The following PCDH11X variants were observed in gnomAD, a reference collection of about 807,000 sequenced individuals.
PCDH11X encodes protocadherin 11 X-linked.
Under a neutral mutation model 53.3 loss-of-function variants are expected in PCDH11X, and 18 were observed. The ratio of observed to expected loss-of-function variants is 0.34; its 90% confidence interval spans 0.23 to 0.50. The LOEUF is 0.50. Among genes scored for constraint, PCDH11X ranks in the 20% least tolerant of loss-of-function variants. The pLI is 0.98. For missense variants in PCDH11X, 570 were observed against 1,032.4 expected (o/e 0.55, Z 6.14); for synonymous variants, 279 against 393.3 (o/e 0.71, Z 3.44).
At chrX:91,871,225 T>C (rs772051826) in intron 5 of PCDH11X, among the ~76,000 whole-genome samples, 5 of 110,896 alleles carry the variant, frequency 4.5e-5, no homozygotes, top group Admixed American at 9.6e-5. Context: ...ATTTCCTTAA[T>C]GTTTTCTAAA....
In PCDH11X at chrX:92,618,811, C is replaced by T. The variant is rs745574714; in HGVS notation, c.3915C>T (p.Tyr1305=). 34 of 1,210,381 alleles carry T rather than the reference C, an allele frequency of 2.8e-5. No individual in the cohort carries two copies. The highest frequency in any genetic ancestry group is 3.4e-6 in the Non-Finnish European group (3 of 895,251). The change falls in exon 11 of 11, where the codon TAC becomes TAT. Residue 1305 remains tyrosine, a synonymous_variant. Transcript: ENST00000682573. Reference sequence around the variant, plus strand: ...AAGGTAGTGCAACATCTCAGTTTTACACCATGTCTGAAAGACTTCATCCCA... The same window carrying T: ...AAGGTAGTGCAACATCTCAGTTTTATACCATGTCTGAAAGACTTCATCCCA... ...GVQGSATSQF[Y]TMSERLHPSD...
At chrX:91,973,452 T>TA (rs764254248) in intron 6 of PCDH11X, among the ~76,000 whole-genome samples, 169 of 88,553 alleles carry the variant, frequency 1.9e-3, no homozygotes, top group African/African-American at 5.2e-3. Context: ...AAAAAAAAAT[T>TA]AAAAAAAAAA....
At chrX:92,446,346 G>T (rs1237027893) in intron 9 of PCDH11X, among the ~76,000 whole-genome samples, 1 of 110,717 alleles carries the variant, frequency 9.0e-6, no homozygotes, top group East Asian at 2.9e-4. Flanking sequence ...CAATGATATG[G>T]TTTCACTGTG....
chrX:92,140,573 A>G (rs915168115), intron 6 of PCDH11X, among the ~76,000 whole-genome samples: 3 of 111,927 alleles, frequency 2.7e-5, no homozygotes, highest in African/African-American at 9.7e-5. Context: ...TTTGAAGTAA[A>G]GGCCCTTTTA....
chrX:92,585,577 A>G (rs1485216654), intron 10 of PCDH11X, among the ~76,000 whole-genome samples: 3 of 108,548 alleles, frequency 2.8e-5, no homozygotes, highest in Admixed American at 2.0e-4. Context: ...TCACTGTGTT[A>G]GCCAGGATGG....
At chrX:92,006,915 CA>C (rs1462424374) in intron 6 of PCDH11X, among the ~76,000 whole-genome samples, 2 of 111,569 alleles carry the variant, frequency 1.8e-5, no homozygotes, top group East Asian at 5.7e-4. Context: ...GATTATCAGG[CA>C]GAGACTCTTG....
chrX:92,278,109 T>C (rs1344389347), intron 8 of PCDH11X, among the ~76,000 whole-genome samples: 2 of 111,122 alleles, frequency 1.8e-5, no homozygotes, highest in Non-Finnish European at 3.8e-5. Flanking sequence ...ATGAAAGGAA[T>C]TGAAATTAAG....
At chrX:91,932,402 T>G (rs2061396834) in intron 6 of PCDH11X, among the ~76,000 whole-genome samples, 1 of 98,673 alleles carries the variant, frequency 1.0e-5, no homozygotes, top group Non-Finnish European at 2.0e-5. Flanking sequence ...GGGGGAGAAG[T>G]TTGGAAGAAA....
At chrX:92,188,737 C>T (rs1332475624) in intron 6 of PCDH11X, among the ~76,000 whole-genome samples, 1 of 111,803 alleles carries the variant, frequency 8.9e-6, no homozygotes, top group East Asian at 2.8e-4. Flanking sequence ...CAAATCTCTA[C>T]TCTTTCAGAC....
intron 6 of PCDH11X, among the ~76,000 whole-genome samples, chrX:92,099,198 TTAA>T (rs1477969373): frequency 9.1e-6 from 1 of 109,294 alleles, no homozygotes; most frequent in African/African-American, 3.4e-5. Context: ...CTTTTTGTTG[TTAA>T]TAATTTCATG....
At chrX:92,263,784 T>C (rs1271880112) in intron 8 of PCDH11X, among the ~76,000 whole-genome samples, 1 of 112,512 alleles carries the variant, frequency 8.9e-6, no homozygotes, top group African/African-American at 3.2e-5. Flanking sequence ...GTGTTTCTAT[T>C]GTTAAACAAA....
chrX:91,987,529 A>G (rs1157455558), intron 6 of PCDH11X, among the ~76,000 whole-genome samples: 1 of 111,439 alleles, frequency 9.0e-6, no homozygotes, highest in Non-Finnish European at 1.9e-5. Flanking sequence ...AAAGCTTTAT[A>G]ATTTCTCAGG....
chrX:92,278,255 C>T (rs543516806), intron 8 of PCDH11X, among the ~76,000 whole-genome samples: 485 of 111,380 alleles, frequency 4.4e-3, no homozygotes, highest in Non-Finnish European at 8.0e-3. Flanking sequence ...TTGGGCTGGT[C>T]GATCTGAGGA....
At chrX:92,104,452 C>A (rs984224827) in intron 6 of PCDH11X, among the ~76,000 whole-genome samples, 5 of 110,815 alleles carry the variant, frequency 4.5e-5, no homozygotes, top group Middle Eastern at 9.3e-3. Context: ...AATGCCTGGA[C>A]GTCAGGCACC....
intron 6 of PCDH11X, among the ~76,000 whole-genome samples, chrX:92,035,010 C>T (rs2063107291): frequency 9.1e-6 from 1 of 110,399 alleles, no homozygotes; most frequent in Admixed American, 9.7e-5. Flanking sequence ...TTTGCATAAA[C>T]AAACAAGCAA....
intron 7 of PCDH11X, among the ~76,000 whole-genome samples, chrX:92,232,780 G>A (rs998433752): frequency 3.6e-5 from 4 of 111,949 alleles, no homozygotes; most frequent in African/African-American, 9.7e-5. Flanking sequence ...GCAGTGGTGC[G>A]ATCTTGGCTC....
At chrX:92,438,466 C>T (rs2072439568) in intron 9 of PCDH11X, among the ~76,000 whole-genome samples, 1 of 110,776 alleles carries the variant, frequency 9.0e-6, no homozygotes, top group Admixed American at 9.7e-5. Flanking sequence ...TGAATATTTT[C>T]AGCTGAAGTA....
intron 6 of PCDH11X, among the ~76,000 whole-genome samples, chrX:92,104,939 G>A (rs958608753): frequency 1.1e-4 from 12 of 110,760 alleles, no homozygotes; most frequent in Admixed American, 9.6e-5. Context: ...GGGTGAAGGA[G>A]AAGGGGTTGA....
At chrX:92,177,941 T>A (rs1253280291) in intron 6 of PCDH11X, among the ~76,000 whole-genome samples, 7 of 110,742 alleles carry the variant, frequency 6.3e-5, no homozygotes, top group Admixed American at 2.0e-4. Context: ...AGAGTTTTTG[T>A]TTTGCTTTGA....
Sources: gnomAD v4.1 joint callset for allele counts (sites outside exome capture counted in the v4.1 genomes callset) on GRCh38, gnomAD v4.1.1 for gene constraint, MANE v1.5 for transcripts, NCBI Gene and HGNC (gene_info 2026-07-23, HGNC 2026-07-21) for gene names.